The following L3MBTL4 variants were observed in gnomAD, a reference collection of about 807,000 sequenced individuals.
L3MBTL4 encodes the protein L3MBTL histone methyl-lysine binding protein 4.
Under a neutral mutation model 84.5 loss-of-function variants are expected in L3MBTL4, and 70 were observed. The ratio of observed to expected loss-of-function variants is 0.83; its 90% CI spans 0.68 to 1.01. The LOEUF is 1.01. Ranked by LOEUF, L3MBTL4 falls within the 50% of genes least tolerant of loss-of-function variation. The pLI is 0.00. For missense variants in L3MBTL4, 715 were observed against 754.8 expected (o/e 0.95, Z 0.62); for synonymous variants, 274 against 259.8 (o/e 1.05, Z -0.52).
At chr18:6,116,700 T>G (rs997898531) in intron 14 of L3MBTL4, among the ~76,000 whole-genome samples, 2 of 152,130 alleles carry the variant, frequency 1.3e-5, no homozygotes, top group Non-Finnish European at 2.9e-5. Context: ...AGTTGTTTGT[T>G]TTTAGAGAGA....
At chr18:6,266,372 T>TAC (rs990915926) in intron 4 of L3MBTL4, among the ~76,000 whole-genome samples, 42 of 152,180 alleles carry the variant, frequency 2.8e-4, no homozygotes, top group Non-Finnish European at 8.8e-5. Flanking sequence ...TACTTAGCTA[T>TAC]ACACACACAC....
At chr18:6,210,973 TAG>T (rs1287468429) in intron 12 of L3MBTL4, among the ~76,000 whole-genome samples, 1 of 152,192 alleles carries the variant, frequency 6.6e-6, no homozygotes, top group Non-Finnish European at 1.5e-5. Flanking sequence ...AAGAGCCAGG[TAG>T]AGTTTCAGGA....
At chr18:5,994,740 G>A (rs572126145) in intron 16 of L3MBTL4, among the ~76,000 whole-genome samples, 2 of 152,134 alleles carry the variant, frequency 1.3e-5, no homozygotes, top group South Asian at 2.1e-4. Context: ...CCAAGCAGGG[G>A]CCCCAATACT....
chr18:6,049,980 A>T (rs2056782233), intron 16 of L3MBTL4, among the ~76,000 whole-genome samples: 1 of 152,202 alleles, frequency 6.6e-6, no homozygotes, highest in Admixed American at 6.5e-5. Context: ...GTTAATACAA[A>T]TTTTTAACTG....
rs1445682371 is a variant in L3MBTL4 at position 6,212,286 on chromosome 18, C to G, written c.981+863G>C. The stretch of plus-strand genomic sequence containing the variant: ...CTAAAATGTATGTACTGACTATTCT[C>G]TATAAATTGAATCAGATATTATTTT... On this transcript the variant is annotated intron_variant, in intron 12 of 18. Transcript: ENST00000317931. Among the ~76,000 whole-genome samples, 5 of 152,136 alleles carry G rather than the reference C, an allele frequency of 3.3e-5. No individual in the cohort carries two copies. In the East Asian group the frequency reaches 9.6e-4, roughly 29 times the overall value.
At chr18:6,031,322 T>C in intron 16 of L3MBTL4, 2 of 985,482 alleles carry the variant, frequency 2.0e-6, no homozygotes, top group South Asian at 4.7e-5. Flanking sequence ...TTATAGGTTT[T>C]CTGGTTGCAG....
At chr18:6,094,698 C>A (rs2143695450) in intron 14 of L3MBTL4, among the ~76,000 whole-genome samples, 1 of 151,884 alleles carries the variant, frequency 6.6e-6, no homozygotes, top group Non-Finnish European at 1.5e-5. Context: ...TGGACTAGAA[C>A]AGATTTCTGG....
intron 1 of L3MBTL4, among the ~76,000 whole-genome samples, chr18:6,343,143 T>C (rs1338768588): frequency 1.3e-5 from 2 of 152,084 alleles, no homozygotes; most frequent in African/African-American, 2.4e-5. Context: ...GCAATAGTAA[T>C]AGGGAACTTT....
At chr18:6,172,780 G>A (rs2044040237) in intron 12 of L3MBTL4, among the ~76,000 whole-genome samples, 1 of 151,940 alleles carries the variant, frequency 6.6e-6, no homozygotes. Flanking sequence ...CTAATGCAAA[G>A]AAGCCCACTT....
intron 13 of L3MBTL4, among the ~76,000 whole-genome samples, chr18:6,154,340 T>C (rs914067740): frequency 1.3e-5 from 2 of 152,170 alleles, no homozygotes; most frequent in African/African-American, 2.4e-5. Context: ...GTCATGCACA[T>C]CAAGACAGTC....
intron 16 of L3MBTL4, among the ~76,000 whole-genome samples, chr18:6,008,735 G>C (rs4798427): frequency 0.045 from 6,885 of 152,216 alleles, 187 homozygotes; most frequent in South Asian, 0.075. Flanking sequence ...AGAGTATCAC[G>C]GGTTTGGATT....
At chr18:6,198,192 A>C (rs909889506) in intron 12 of L3MBTL4, among the ~76,000 whole-genome samples, 2 of 152,220 alleles carry the variant, frequency 1.3e-5, no homozygotes, top group Admixed American at 1.3e-4. Context: ...ACTTGAACAC[A>C]GAATAATCCC....
chr18:6,053,877 T>C (rs1212441629), intron 16 of L3MBTL4, among the ~76,000 whole-genome samples: 3 of 152,182 alleles, frequency 2.0e-5, no homozygotes, highest in Non-Finnish European at 4.4e-5. Context: ...ATGTGAAAAG[T>C]GACTGAAAAA....
intron 12 of L3MBTL4, among the ~76,000 whole-genome samples, chr18:6,186,515 GT>G (rs2044773045): frequency 6.6e-6 from 1 of 152,174 alleles, no homozygotes; most frequent in Admixed American, 6.5e-5. Flanking sequence ...AAGAGAAAGA[GT>G]TTCGGAAATG....
intron 1 of L3MBTL4, among the ~76,000 whole-genome samples, chr18:6,350,922 T>C (rs779561856): frequency 6.6e-5 from 10 of 152,218 alleles, no homozygotes; most frequent in Non-Finnish European, 1.3e-4. Flanking sequence ...CCAGGCACAG[T>C]GGCTCATGCC....
chr18:6,233,103 T>G (rs1056099993), intron 10 of L3MBTL4, among the ~76,000 whole-genome samples: 4 of 152,080 alleles, frequency 2.6e-5, no homozygotes, highest in Non-Finnish European at 5.9e-5. Context: ...GAAAAGGCCT[T>G]TGACAAAATT....
chr18:6,187,617 A>G (rs2044839105), intron 12 of L3MBTL4, among the ~76,000 whole-genome samples: 1 of 152,170 alleles, frequency 6.6e-6, no homozygotes, highest in Admixed American at 6.5e-5. Flanking sequence ...AGCTGACTGC[A>G]GAGCCTTCCC....
chr18:6,092,720 T>C (rs2058500733), intron 15 of L3MBTL4, among the ~76,000 whole-genome samples: 1 of 152,250 alleles, frequency 6.6e-6, no homozygotes, highest in Non-Finnish European at 1.5e-5. Context: ...AAAGATGTTA[T>C]TTAAATTATT....
chr18:6,137,350 A>G (rs920233616), intron 14 of L3MBTL4, among the ~76,000 whole-genome samples: 3 of 152,234 alleles, frequency 2.0e-5, no homozygotes, highest in Non-Finnish European at 4.4e-5. Flanking sequence ...TATCACTATT[A>G]CAGTGGCATT....
Sources: allele counts gnomAD v4.1 joint callset (sites outside exome capture counted in the v4.1 genomes callset), GRCh38; gene constraint gnomAD v4.1.1; transcripts MANE v1.5; gene names NCBI Gene and HGNC (gene_info 2026-07-23, HGNC 2026-07-21).